PARD3: variants seen among roughly 807,000 people sequenced by gnomAD.
PARD3 encodes the protein par-3 family cell polarity regulator.
In PARD3, 75 loss-of-function variants were observed where a neutral mutation model predicts 155.4. That is an observed-to-expected ratio of 0.48 (90% CI 0.40 to 0.58). PARD3 has a LOEUF of 0.58. PARD3 is among the 20% of genes least tolerant of loss of function. PARD3 has a pLI of 0.00. For synonymous variants in PARD3, 576 were observed against 610.5 expected, an observed-to-expected ratio of 0.94 and a Z score of 0.83; for missense variants, 1,642 against 1,721.7, an observed-to-expected ratio of 0.95 and a Z score of 0.82.
At chr10:34,359,466 G>T in intron 13 of PARD3, 149 bp from the exon 14 acceptor site, 1 of 586,810 alleles carries the variant, frequency 1.7e-6, no homozygotes, top group Non-Finnish European at 3.0e-6. Context: ...CCAATTGAAC[G>T]CTGGCATAAT....
At chr10:34,363,727 T>G (rs1305173657) in intron 12 of PARD3, among the ~76,000 whole-genome samples, 4 of 152,184 alleles carry the variant, frequency 2.6e-5, no homozygotes, top group African/African-American at 4.8e-5. Flanking sequence ...AAAAATGTCT[T>G]TTCTTTAACT....
intron 1 of PARD3, among the ~76,000 whole-genome samples, chr10:34,805,294 T>C (rs1588844059): frequency 6.6e-6 from 1 of 152,064 alleles, no homozygotes. Flanking sequence ...GAGGCAGAGG[T>C]TGCAGTGAGC....
chr10:34,240,016 C>T (rs2133643017), intron 22 of PARD3, among the ~76,000 whole-genome samples: 1 of 152,278 alleles, frequency 6.6e-6, no homozygotes, highest in South Asian at 2.1e-4. Context: ...AGCTAACAAT[C>T]ACTGAGCAAT....
chr10:34,519,884 A>ACAC (rs1564804151), intron 2 of PARD3, among the ~76,000 whole-genome samples: 1 of 146,864 alleles, frequency 6.8e-6, no homozygotes, highest in African/African-American at 2.5e-5. Flanking sequence ...ACATAACATA[A>ACAC]AAATAGAAAA....
At chr10:34,378,173 C>T (rs1841444876) in intron 9 of PARD3, 67 bp from the exon 10 acceptor site, 2 of 1,162,796 alleles carry the variant, frequency 1.7e-6, no homozygotes, top group Admixed American at 2.5e-5. Context: ...GTGTATTGCA[C>T]CAGTATACTC....
At chr10:34,212,021 CTTT>C (rs34135178) in intron 22 of PARD3, among the ~76,000 whole-genome samples, 52 of 131,990 alleles carry the variant, frequency 3.9e-4, no homozygotes, top group Admixed American at 6.8e-4. Flanking sequence ...GAGTGCTCAA[CTTT>C]TTTTTTTTTT....
intron 5 of PARD3, among the ~76,000 whole-genome samples, chr10:34,421,321 TAATA>T (rs1258619526): frequency 1.3e-5 from 2 of 149,910 alleles, no homozygotes; most frequent in African/African-American, 2.4e-5. Flanking sequence ...GTTATTTAAG[TAATA>T]AATTATAATA....
At chr10:34,434,997 A>G (rs1042379836) in intron 5 of PARD3, among the ~76,000 whole-genome samples, 8 of 152,348 alleles carry the variant, frequency 5.3e-5, no homozygotes, top group African/African-American at 1.7e-4. Flanking sequence ...AAGTTGACAT[A>G]TAAGAGATAG....
At chr10:34,507,394 G>GA (rs1304734950) in intron 3 of PARD3, among the ~76,000 whole-genome samples, 1 of 151,658 alleles carries the variant, frequency 6.6e-6, no homozygotes, top group Non-Finnish European at 1.5e-5. Context: ...TTACAGGTCA[G>GA]AAAAAAGAGT....
intron 2 of PARD3, among the ~76,000 whole-genome samples, chr10:34,607,245 A>G (rs192616510): frequency 6.6e-6 from 1 of 152,248 alleles, no homozygotes; most frequent in Non-Finnish European, 1.5e-5. Flanking sequence ...GGCATTTTAC[A>G]GATAAATGCA....
At chr10:34,128,821 T>G (rs1368610129) in intron 23 of PARD3, among the ~76,000 whole-genome samples, 1 of 152,202 alleles carries the variant, frequency 6.6e-6, no homozygotes, top group Non-Finnish European at 1.5e-5. Context: ...TCGTCTAGAC[T>G]TTAGAACAGT....
At chr10:34,807,059 G>C (rs1253548432) in intron 1 of PARD3, among the ~76,000 whole-genome samples, 1 of 152,224 alleles carries the variant, frequency 6.6e-6, no homozygotes, top group African/African-American at 2.4e-5. Flanking sequence ...TGGCGAGCTG[G>C]GTAGAAGGAG....
intron 1 of PARD3, among the ~76,000 whole-genome samples, chr10:34,776,413 A>G (rs560076223): frequency 6.6e-6 from 1 of 152,306 alleles, no homozygotes; most frequent in African/African-American, 2.4e-5. Flanking sequence ...CTGACTGGCT[A>G]GGGAGCTCAG....
chr10:34,428,724 T>A (rs769912316), intron 5 of PARD3, among the ~76,000 whole-genome samples: 1 of 152,192 alleles, frequency 6.6e-6, no homozygotes, highest in African/African-American at 2.4e-5. Context: ...GTGGTTTTGC[T>A]AAATCAAATC....
At chr10:34,214,240 G>T in intron 22 of PARD3, among the ~76,000 whole-genome samples, 1 of 152,086 alleles carries the variant, frequency 6.6e-6, no homozygotes, top group East Asian at 1.9e-4. Flanking sequence ...ATTAAGTAGA[G>T]TACCTAAATT....
At chr10:34,119,355 A>G (rs1232588639) in intron 24 of PARD3, among the ~76,000 whole-genome samples, 1 of 152,232 alleles carries the variant, frequency 6.6e-6, no homozygotes, top group Non-Finnish European at 1.5e-5. Flanking sequence ...AGAAGCCAGT[A>G]CACGAGTCGC....
intron 2 of PARD3, among the ~76,000 whole-genome samples, chr10:34,519,127 A>C (rs1052649918): frequency 2.0e-5 from 3 of 152,218 alleles, no homozygotes; most frequent in Non-Finnish European, 2.9e-5. Flanking sequence ...ATGAAAGTAA[A>C]AGAAAGAACA....
intron 3 of PARD3, among the ~76,000 whole-genome samples, chr10:34,489,169 C>T (rs1052752590): frequency 6.6e-6 from 1 of 152,136 alleles, no homozygotes; most frequent in African/African-American, 2.4e-5. Context: ...GAAACCCTGT[C>T]TCTACTAAAA....
rs57719959 is a variant in PARD3 at position 34,210,777 on chromosome 10, C to A, written c.3419+58880G>T. The stretch of plus-strand genomic sequence containing the variant: ...TGGGATGATTTCAACCATGTAATTT[C>A]TAGGAAAACTAGAATTCAGTGCACA... On this transcript the variant is annotated intron_variant, in intron 22 of 24. Coordinates refer to ENST00000374788, the MANE Select transcript of PARD3 (RefSeq NM_001184785.2). Among the ~76,000 whole-genome samples, 1,297 of 152,198 alleles carry A rather than the reference C, an allele frequency of 8.5e-3. 28 individuals are homozygous for A. Among genetic ancestry groups the A allele is most frequent in the African/African-American group, 0.03 (1,228 of 41,504 alleles).
Sources: allele counts gnomAD v4.1 joint callset (sites outside exome capture counted in the v4.1 genomes callset), GRCh38; gene constraint gnomAD v4.1.1; transcripts MANE v1.5; gene names NCBI Gene and HGNC (gene_info 2026-07-23, HGNC 2026-07-21).